Variants in RUBCN observed in about 807,000 individuals in gnomAD.
RUBCN encodes the protein rubicon autophagy regulator.
RUBCN carries 74 observed loss-of-function variants against 113.2 expected under a neutral mutation model. The observed-to-expected ratio is 0.65, with a 90% CI of 0.54 to 0.79. The LOEUF is 0.79. RUBCN is among the 30% of genes least tolerant of loss of function. The pLI is 0.00. For missense variants in RUBCN, 1,109 were observed against 1,251.7 expected, an observed-to-expected ratio of 0.89 and a Z score of 1.72; for synonymous variants, 480 against 490.0, an observed-to-expected ratio of 0.98 and a Z score of 0.27.
At chr3:197,703,501 G>T in intron 5 of RUBCN, 47 bp downstream of exon 5, 1 of 1,297,832 alleles carries the variant, frequency 7.7e-7, no homozygotes, top group Non-Finnish European at 1.1e-6. Context: ...ATCCTGCTGA[G>T]CTCCAGGGAC....
chr3:197,699,749 A>C (rs1723427513), intron 7 of RUBCN, among the ~76,000 whole-genome samples: 1 of 152,210 alleles, frequency 6.6e-6, no homozygotes, highest in African/African-American at 2.4e-5. Context: ...CCTTTCCAGA[A>C]ATTACAAAGA....
In RUBCN at chr3:197,717,962, A is replaced by AG; in HGVS notation, c.219+14dup. The AG allele has an allele frequency of 6.2e-7, 1 of 1,613,176 alleles. No individual in the cohort carries two copies. ...GCGAGTCAGCCAATCTGGCAAAAAA[A>AG]GGAGTTCTGCATACCTGGTCACGGA... On this transcript the variant is annotated intron_variant, in intron 2 of 19. Transcript: ENST00000296343.
intron 1 of RUBCN, among the ~76,000 whole-genome samples, chr3:197,718,960 G>A (rs144335274): frequency 3.3e-5 from 5 of 152,330 alleles, no homozygotes; most frequent in East Asian, 1.9e-4. Context: ...AACGGCCATC[G>A]CAGAGGCCAA....
chr3:197,734,045 CAGGAGTTTG>C (rs1456126296), intron 1 of RUBCN, among the ~76,000 whole-genome samples: 3 of 152,078 alleles, frequency 2.0e-5, no homozygotes, highest in Admixed American at 2.0e-4. Flanking sequence ...CCTCTGAGGT[CAGGAGTTTG>C]AGACCAGCCT....
At chr3:197,699,187 C>T in intron 7 of RUBCN, 2 of 1,549,714 alleles carry the variant, frequency 1.3e-6, no homozygotes, top group Non-Finnish European at 8.7e-7. Flanking sequence ...ATTCCCAAAC[C>T]TGCAATGGGA....
chr3:197,728,533 A>G (rs1189014600), intron 1 of RUBCN, among the ~76,000 whole-genome samples: 1 of 152,222 alleles, frequency 6.6e-6, no homozygotes. Context: ...AATGCGAAGA[A>G]AGTGGCACTT....
intron 11 of RUBCN, 25 bp from the exon 12 acceptor site, chr3:197,684,242 G>A: frequency 6.3e-7 from 1 of 1,598,322 alleles, no homozygotes; most frequent in Non-Finnish European, 8.6e-7. Flanking sequence ...GAGATAAGGG[G>A]AGCGCAATGG....
Position 197,681,125 on chromosome 3 carries a change from TTACCCG to T in RUBCN, c.2428_2430+3del, listed in dbSNP as rs1455915734. 6.2e-7 allele frequency: 1 copy of T among 1,605,330 alleles called. No individual in the cohort carries two copies. The highest frequency in any genetic ancestry group is 1.7e-5 in the Admixed American group (1 of 59,986). ...CTCTAAGGTGGCCTTTTCCAAGGTC[TTACCCG>T]GACTTGATTGAGCAGCTTGACCTTC... On this transcript the variant is annotated splice_donor_variant and splice_donor_region_variant and coding_sequence_variant and intron_variant, in exon 16 of 20. Transcript: ENST00000296343. LOFTEE classifies it high-confidence loss of function. The surrounding 1 kb of genome is among the most constrained non-coding windows in gnomAD (Gnocchi z 5.5).
intron 5 of RUBCN, among the ~76,000 whole-genome samples, chr3:197,702,458 A>T (rs1286946429): frequency 5.3e-5 from 8 of 152,076 alleles, no homozygotes; most frequent in Non-Finnish European, 7.4e-5. Flanking sequence ...AGGTCAGGAG[A>T]TCGAGACCAG....
intron 2 of RUBCN, among the ~76,000 whole-genome samples, chr3:197,706,743 A>C (rs759682531): frequency 6.6e-6 from 1 of 152,176 alleles, no homozygotes; most frequent in Non-Finnish European, 1.5e-5. Context: ...AATAGCCTGA[A>C]AGAGACCTTA....
chr3:197,741,684 A>T (rs891709849), upstream of RUBCN, among the ~76,000 whole-genome samples: 1 of 151,990 alleles, frequency 6.6e-6, no homozygotes, highest in Non-Finnish European at 1.5e-5. Flanking sequence ...TTCGCCAGGC[A>T]TGGTGGTGGG....
intron 1 of RUBCN, among the ~76,000 whole-genome samples, chr3:197,724,532 C>G (rs1342955153): frequency 1.3e-5 from 2 of 152,206 alleles, no homozygotes; most frequent in African/African-American, 4.8e-5. Flanking sequence ...ACAGCTTCAG[C>G]TTACTGGCAT....
At chr3:197,705,618 A>C (rs534919227) in intron 2 of RUBCN, among the ~76,000 whole-genome samples, 3 of 151,876 alleles carry the variant, frequency 2.0e-5, no homozygotes, top group East Asian at 1.9e-4. Flanking sequence ...GGAATACTAC[A>C]CTTGACATAT....
intron 1 of RUBCN, among the ~76,000 whole-genome samples, chr3:197,722,920 G>A (rs563693353): frequency 5.3e-5 from 8 of 152,156 alleles, no homozygotes; most frequent in African/African-American, 1.9e-4. Context: ...AATTCATTGA[G>A]TCACTGTCTT....
At position 197,681,017 on chromosome 3, in the gene RUBCN, G is replaced by C. The variant is rs1213821229; in HGVS notation, c.2430+112C>G. 3.1e-6 allele frequency: 2 copies of C among 637,050 alleles called. No individual in the cohort carries two copies. Among genetic ancestry groups the C allele is most frequent in the Non-Finnish European group, 5.7e-6 (2 of 349,870 alleles). The allele number at this position is 637,050 out of a possible 1,614,324, so 39.5% of individuals were successfully genotyped here. A position where few individuals can be genotyped will look rare whatever the true frequency, so the allele number is the denominator to read the frequency against. On this transcript the variant is annotated intron_variant, in intron 16 of 19. Transcript: ENST00000296343. The surrounding 1 kb of genome is among the most constrained non-coding windows in gnomAD (Gnocchi z 5.5). ...GGAGAGGAGACGAGGGGAGGGGATG[G>C]GGGGAGGGGACAAGAGGAGGGGATG...
intron 16 of RUBCN, among the ~76,000 whole-genome samples, 153 bp from the exon 17 acceptor site, chr3:197,677,694 A>G (rs931946484): frequency 6.6e-6 from 1 of 152,156 alleles, no homozygotes; most frequent in African/African-American, 2.4e-5. Context: ...CTGGCTCCAG[A>G]CTGTCCTATG....
chr3:197,678,665 T>C (rs141038647), intron 16 of RUBCN, among the ~76,000 whole-genome samples: 5,677 of 85,604 alleles, frequency 0.066, 244 homozygotes, highest in African/African-American at 0.19. Context: ...TGGCTTCAGA[T>C]TGTCCTACGC....
chr3:197,724,641 G>A (rs1726541384), intron 1 of RUBCN, among the ~76,000 whole-genome samples: 1 of 152,188 alleles, frequency 6.6e-6, no homozygotes, highest in South Asian at 2.1e-4. Context: ...CCCCAAAGTG[G>A]AGGAAGAAAG....
intron 2 of RUBCN, among the ~76,000 whole-genome samples, chr3:197,713,257 T>C (rs1370250426): frequency 1.3e-5 from 2 of 152,234 alleles, no homozygotes; most frequent in Non-Finnish European, 2.9e-5. Context: ...TTGACTTCCA[T>C]TTCTCTTTCA....
Sources: allele counts gnomAD v4.1 joint callset (sites outside exome capture counted in the v4.1 genomes callset), GRCh38; gene constraint gnomAD v4.1.1; non-coding constraint Gnocchi (gnomAD v3.1); transcripts MANE v1.5; gene names NCBI Gene and HGNC (gene_info 2026-07-23, HGNC 2026-07-21).